Variants in AP2B1 observed in about 807,000 individuals in gnomAD.
AP2B1 encodes the protein AP-2 complex subunit beta.
A neutral mutation model predicts 102.0 loss-of-function variants in AP2B1; 23 were observed. The ratio of observed to expected loss-of-function variants is 0.23; its 90% CI spans 0.16 to 0.32. The LOEUF (loss-of-function observed/expected upper bound fraction) is 0.32, where lower values mean the gene tolerates loss of function less well. Among genes scored for constraint, AP2B1 ranks in the 10% least tolerant of loss-of-function variants. AP2B1 has a pLI of 1.00. For missense variants in AP2B1, 541 were observed against 1,157.4 expected (o/e 0.47, Z 7.73); for synonymous variants, 381 against 421.2 (o/e 0.90, Z 1.17).
intron 5 of AP2B1, among the ~76,000 whole-genome samples, chr17:35,616,140 C>CTTT: frequency 1.3e-5 from 1 of 79,376 alleles, no homozygotes; most frequent in South Asian, 4.3e-4. Flanking sequence ...TAAAAAATAT[C>CTTT]TCTTTTTTTT....
intron 5 of AP2B1, among the ~76,000 whole-genome samples, chr17:35,617,312 T>G (rs1402609472): frequency 6.6e-6 from 1 of 152,202 alleles, no homozygotes; most frequent in African/African-American, 2.4e-5. Context: ...TGCCTCAGCC[T>G]CCCAAAGTGC....
intron 18 of AP2B1, among the ~76,000 whole-genome samples, chr17:35,685,983 G>A (rs771894362): frequency 6.6e-6 from 1 of 152,082 alleles, no homozygotes; most frequent in Non-Finnish European, 1.5e-5. Flanking sequence ...CGCTGGTTTC[G>A]AACTCCTGAC....
Position 35,662,540 on chromosome 17 carries a change from T to G in AP2B1, c.1989+4749T>G, listed in dbSNP as rs1360827976. Among the ~76,000 whole-genome samples the G allele has an allele frequency of 2.5e-3, 383 of 150,340 alleles. 1 individual carries two copies. Among genetic ancestry groups the G allele is most frequent in the African/African-American group, 8.9e-3 (367 of 41,114 alleles). On this transcript the variant is annotated intron_variant, in intron 14 of 21. Transcript: ENST00000610402. ...TTTTTGGGTTTGGGTTTGTTTTTTT[T>G]TTTTTTTTTTTATGACTCTGGTACT...
At chr17:35,597,898 A>G (rs1016096903) in intron 2 of AP2B1, among the ~76,000 whole-genome samples, 3 of 152,200 alleles carry the variant, frequency 2.0e-5, no homozygotes, top group Admixed American at 2.0e-4. Context: ...AGACTTTAAC[A>G]TTCTGATGGA....
intron 18 of AP2B1, among the ~76,000 whole-genome samples, chr17:35,700,478 C>A (rs1241135815): frequency 6.6e-6 from 1 of 152,020 alleles, no homozygotes; most frequent in Non-Finnish European, 1.5e-5. Context: ...GGAAAGGTCA[C>A]AAGTGACGTT....
At chr17:35,695,948 C>T (rs1209466510) in intron 18 of AP2B1, among the ~76,000 whole-genome samples, 3 of 152,080 alleles carry the variant, frequency 2.0e-5, no homozygotes, top group East Asian at 1.9e-4. Context: ...CTGTTAAACT[C>T]AGGTAACCAT....
chr17:35,710,741 C>G (rs908912999), intron 20 of AP2B1, among the ~76,000 whole-genome samples: 1 of 152,066 alleles, frequency 6.6e-6, no homozygotes, highest in South Asian at 2.1e-4. Context: ...ACTTAGAACC[C>G]TGTGTTTATA....
At chr17:35,707,564 C>T (rs2076369743) in intron 18 of AP2B1, among the ~76,000 whole-genome samples, 2 of 150,816 alleles carry the variant, frequency 1.3e-5, no homozygotes, top group Non-Finnish European at 3.0e-5. Flanking sequence ...GCTATTCTCC[C>T]ACCTCAGCCT....
intron 1 of AP2B1, among the ~76,000 whole-genome samples, chr17:35,590,023 T>A (rs1307397753): frequency 6.6e-6 from 1 of 150,754 alleles, no homozygotes; most frequent in African/African-American, 2.4e-5. Context: ...CCTCCTGGGT[T>A]CACACCATTC....
chr17:35,683,426 A>G (rs186305928), intron 18 of AP2B1, among the ~76,000 whole-genome samples: 305 of 152,356 alleles, frequency 2.0e-3, no homozygotes, highest in Non-Finnish European at 3.2e-3. Flanking sequence ...TGTCATTAAT[A>G]TAAGAAGAGA....
In AP2B1 at chr17:35,659,839, A is replaced by G. The variant is rs575115823; in HGVS notation, c.1989+2048A>G. Reference sequence around the variant, plus strand: ...AAGATATCCCAGAAATCAAGATGAGAAGAAATTAAAGCCCTTATTTTTGCT... The same window carrying G: ...AAGATATCCCAGAAATCAAGATGAGGAGAAATTAAAGCCCTTATTTTTGCT... On this transcript the variant is annotated intron_variant, in intron 14 of 21. Transcript: ENST00000610402. 1.1e-5 allele frequency: 11 copies of G among 985,410 alleles called. No individual in the cohort carries two copies. In the South Asian group the frequency reaches 5.2e-4, roughly 46 times the overall value. 61.0% of individuals were successfully genotyped at this position (985,410 alleles called of 1,614,324 possible).
At chr17:35,608,936 A>G (rs2073774649) in intron 5 of AP2B1, among the ~76,000 whole-genome samples, 5 of 152,202 alleles carry the variant, frequency 3.3e-5, no homozygotes, top group Admixed American at 3.3e-4. Flanking sequence ...TTGCTTATAT[A>G]ATGAAGAAGG....
chr17:35,651,466 G>T (rs746025891), intron 13 of AP2B1, among the ~76,000 whole-genome samples: 4 of 152,084 alleles, frequency 2.6e-5, no homozygotes, highest in Non-Finnish European at 5.9e-5. Context: ...CTTACAATGG[G>T]TATCTCAGAA....
intron 14 of AP2B1, among the ~76,000 whole-genome samples, chr17:35,664,313 G>T (rs2075416860): frequency 6.6e-6 from 1 of 151,960 alleles, no homozygotes; most frequent in Non-Finnish European, 1.5e-5. Context: ...CAGTACAGTG[G>T]TGTGATCATA....
intron 18 of AP2B1, among the ~76,000 whole-genome samples, chr17:35,683,528 A>T (rs2075868374): frequency 1.3e-5 from 2 of 152,250 alleles, no homozygotes; most frequent in African/African-American, 4.8e-5. Flanking sequence ...TGATAAGTAT[A>T]ACAGCATCTT....
chr17:35,591,191 A>AG (rs2073087856), intron 1 of AP2B1, among the ~76,000 whole-genome samples: 1 of 151,254 alleles, frequency 6.6e-6, no homozygotes, highest in African/African-American at 2.4e-5. Flanking sequence ...AAAAAAAAAA[A>AG]AAGAATTTAA....
At chr17:35,689,101 C>A (rs908897847) in intron 18 of AP2B1, among the ~76,000 whole-genome samples, 1 of 152,180 alleles carries the variant, frequency 6.6e-6, no homozygotes, top group Non-Finnish European at 1.5e-5. Flanking sequence ...CATTTATACC[C>A]CTTTCCATAA....
intron 9 of AP2B1, among the ~76,000 whole-genome samples, chr17:35,635,254 A>T (rs571815599): frequency 6.6e-6 from 1 of 152,130 alleles, no homozygotes; most frequent in East Asian, 1.9e-4. Context: ...GGGTTTCACC[A>T]TGTTGGCCAG....
intron 21 of AP2B1, 23 bp downstream of exon 21, chr17:35,717,372 T>A: frequency 3.7e-6 from 6 of 1,613,548 alleles, no homozygotes; most frequent in Non-Finnish European, 5.1e-6. Context: ...TCAGAATGGG[T>A]GAGATGGATT....
Sources: gnomAD v4.1 joint callset for allele counts (sites outside exome capture counted in the v4.1 genomes callset) on GRCh38, gnomAD v4.1.1 for gene constraint, MANE v1.5 for transcripts, NCBI Gene and HGNC (gene_info 2026-07-23, HGNC 2026-07-21) for gene names.